Variants in NIBAN1 observed in about 807,000 individuals in gnomAD.
NIBAN1 encodes the protein niban apoptosis regulator 1.
NIBAN1 carries 81 observed loss-of-function variants against 75.1 expected under a neutral mutation model. The observed-to-expected ratio is 1.08, with a 90% CI of 0.90 to 1.30. The LOEUF (loss-of-function observed/expected upper bound fraction) is 1.30. NIBAN1 is among the 50% of genes most tolerant of loss of function. NIBAN1 has a pLI of 0.00. For synonymous variants in NIBAN1, 436 were observed against 424.8 expected (o/e 1.03, Z -0.32); for missense variants, 1,133 against 1,128.1 (o/e 1.00, Z -0.06).
chr1:184,864,676 T>C (rs964822954), intron 5 of NIBAN1, among the ~76,000 whole-genome samples: 1 of 152,086 alleles, frequency 6.6e-6, no homozygotes, highest in Non-Finnish European at 1.5e-5. Flanking sequence ...AATAATATTT[T>C]ATTCACAAAC....
intron 5 of NIBAN1, among the ~76,000 whole-genome samples, chr1:184,838,581 G>A (rs1203026957): frequency 6.6e-6 from 1 of 152,142 alleles, no homozygotes; most frequent in Non-Finnish European, 1.5e-5. Flanking sequence ...ACTCATATTT[G>A]GTAGACATGA....
At chr1:184,824,047 G>A (rs1654778684) in intron 6 of NIBAN1, among the ~76,000 whole-genome samples, 1 of 152,084 alleles carries the variant, frequency 6.6e-6, no homozygotes, top group South Asian at 2.1e-4. Flanking sequence ...GAAGAACTTA[G>A]GGCATACAGT....
intron 6 of NIBAN1, among the ~76,000 whole-genome samples, chr1:184,828,810 T>G (rs1250752389): frequency 3.2e-3 from 61 of 18,942 alleles, no homozygotes; most frequent in African/African-American, 6.1e-3. Context: ...AGCAAAACCA[T>G]TTTTTTTTTT....
At chr1:184,796,143 G>A (rs1647898337) in intron 13 of NIBAN1, 46 bp from the exon 14 acceptor site, 3 of 1,483,954 alleles carry the variant, frequency 2.0e-6, no homozygotes, top group Non-Finnish European at 2.7e-6. Context: ...ATTTTATTGA[G>A]AAGCCAAAGT....
At position 184,808,073 on chromosome 1, in the gene NIBAN1, C is replaced by G; in HGVS notation, c.1335+1G>C. 1.2e-6 allele frequency: 2 copies of G among 1,613,822 alleles called. No homozygotes were observed. The highest frequency in any genetic ancestry group is 1.7e-6 in the Non-Finnish European group (2 of 1,179,838). On this transcript the variant is annotated splice_donor_variant, in intron 10 of 13. Coordinates refer to ENST00000367511, the MANE Select transcript of NIBAN1 (RefSeq NM_052966.4). LOFTEE classifies it high-confidence loss of function. Reference sequence around the variant, plus strand: ...ACCACGGATGCCCCTGCCACACCCACCTCCTGCATGTAGTTCTGTGTCCTC... The same window carrying G: ...ACCACGGATGCCCCTGCCACACCCAGCTCCTGCATGTAGTTCTGTGTCCTC...
intron 5 of NIBAN1, among the ~76,000 whole-genome samples, chr1:184,863,145 A>G (rs1655861083): frequency 6.6e-6 from 1 of 152,158 alleles, no homozygotes; most frequent in African/African-American, 2.4e-5. Flanking sequence ...GGTAGGCATT[A>G]CTAGTTGACC....
intron 6 of NIBAN1, among the ~76,000 whole-genome samples, chr1:184,828,319 T>A (rs1358686557): frequency 6.6e-6 from 1 of 152,178 alleles, no homozygotes; most frequent in Non-Finnish European, 1.5e-5. Context: ...GAAGTCTGAA[T>A]GCAGGCCCCT....
At chr1:184,954,113 C>G (rs190459427) in intron 1 of NIBAN1, among the ~76,000 whole-genome samples, 2 of 152,108 alleles carry the variant, frequency 1.3e-5, no homozygotes, top group East Asian at 3.9e-4. Flanking sequence ...ACATACACAA[C>G]GGCTCAAATG....
At chr1:184,911,303 G>A (rs1414662133) in intron 1 of NIBAN1, among the ~76,000 whole-genome samples, 3 of 152,138 alleles carry the variant, frequency 2.0e-5, no homozygotes, top group African/African-American at 7.2e-5. Flanking sequence ...GCATGCCAAT[G>A]TGTTTCACAA....
chr1:184,796,146 G>T (rs1653859062), intron 13 of NIBAN1, 49 bp from the exon 14 acceptor site: 2 of 1,482,186 alleles, frequency 1.3e-6, no homozygotes, highest in African/African-American at 2.8e-5. Flanking sequence ...TTATTGAGAA[G>T]CCAAAGTCCC....
At chr1:184,870,804 A>G (rs1656087115) in intron 5 of NIBAN1, among the ~76,000 whole-genome samples, 1 of 152,218 alleles carries the variant, frequency 6.6e-6, no homozygotes, top group African/African-American at 2.4e-5. Flanking sequence ...ACTGAAGAAA[A>G]GACATAGTGG....
rs1455989466 is a variant in NIBAN1, at chr1:184,793,824, C to T, written c.*1153G>A. On this transcript the variant is annotated 3_prime_UTR_variant, in exon 14 of 14. Transcript: ENST00000367511. ...GTTTTTCGCCATGGTATCCCCAGTG[C>T]TTGGTATATAACAGAGACTCAATTA... is the stretch of plus-strand genomic sequence containing the variant. 1.3e-5 allele frequency: 2 copies of T among 152,196 alleles called. No homozygotes were observed. The highest frequency in any genetic ancestry group is 2.9e-5 in the Non-Finnish European group (2 of 68,038). The allele number at this position is 152,196 out of a possible 1,614,324, so 9.4% of individuals were successfully genotyped here.
At chr1:184,864,509 G>A (rs59257081) in intron 5 of NIBAN1, among the ~76,000 whole-genome samples, 4 of 152,208 alleles carry the variant, frequency 2.6e-5, no homozygotes, top group East Asian at 1.9e-4. Context: ...TTCCAGTAAC[G>A]GAAGCCACTT....
At chr1:184,884,242 G>A (rs1249628193) in intron 5 of NIBAN1, among the ~76,000 whole-genome samples, 1 of 32,884 alleles carries the variant, frequency 3.0e-5, no homozygotes, top group Non-Finnish European at 6.7e-5. Context: ...TTTTTTTTTT[G>A]AGATGGAGTC....
chr1:184,958,077 T>C (rs535096698), intron 1 of NIBAN1, among the ~76,000 whole-genome samples: 4 of 152,210 alleles, frequency 2.6e-5, no homozygotes, highest in Admixed American at 2.6e-4. Flanking sequence ...CTTCAAAAAG[T>C]AGCCAAAGGC....
intron 5 of NIBAN1, among the ~76,000 whole-genome samples, chr1:184,854,363 AC>A (rs1655621411): frequency 6.6e-6 from 1 of 152,242 alleles, no homozygotes. Flanking sequence ...GAGAAACTTG[AC>A]TTTTTCTATA....
chr1:184,880,722 A>G (rs1459896393), intron 5 of NIBAN1, among the ~76,000 whole-genome samples: 1 of 152,224 alleles, frequency 6.6e-6, no homozygotes, highest in Non-Finnish European at 1.5e-5. Context: ...CTGTATTGTC[A>G]GGAGCTTTAA....
chr1:184,817,331 A>G (rs1654568004), intron 9 of NIBAN1, among the ~76,000 whole-genome samples: 1 of 152,188 alleles, frequency 6.6e-6, no homozygotes, highest in African/African-American at 2.4e-5. Context: ...CGCAATTAAC[A>G]TATGTGTGCA....
chr1:184,814,375 T>A (rs574130797), intron 9 of NIBAN1, among the ~76,000 whole-genome samples: 2 of 152,304 alleles, frequency 1.3e-5, no homozygotes, highest in Admixed American at 6.5e-5. Flanking sequence ...AAACTAGCTT[T>A]AACATTAAAA....
Sources: gnomAD v4.1 joint callset for allele counts (sites outside exome capture counted in the v4.1 genomes callset) on GRCh38, gnomAD v4.1.1 for gene constraint, MANE v1.5 for transcripts, NCBI Gene and HGNC (gene_info 2026-07-23, HGNC 2026-07-21) for gene names.